ALK: variants seen among roughly 807,000 people sequenced by gnomAD.
ALK encodes the protein ALK receptor tyrosine kinase, also known as ALK tyrosine kinase receptor.
A neutral mutation model predicts 163.1 loss-of-function variants in ALK; 74 were observed. The observed-to-expected ratio is 0.45, with a 90% CI of 0.38 to 0.55. ALK has a LOEUF of 0.55. ALK is among the 20% of genes least tolerant of loss of function. The pLI is 0.00. For missense variants in ALK, 2,063 were observed against 2,105.3 expected, an observed-to-expected ratio of 0.98 and a Z score of 0.39; for synonymous variants, 960 against 843.2, an observed-to-expected ratio of 1.14 and a Z score of -2.40.
chr2:29,283,604 A>C (rs969161930), intron 9 of ALK, among the ~76,000 whole-genome samples: 1 of 152,052 alleles, frequency 6.6e-6, no homozygotes, highest in African/African-American at 2.4e-5. Flanking sequence ...CTGCTTGGTG[A>C]GGACTAGTTT....
chr2:29,428,504 A>C (rs1670198473), intron 4 of ALK, among the ~76,000 whole-genome samples: 2 of 152,018 alleles, frequency 1.3e-5, no homozygotes, highest in Admixed American at 1.3e-4. Flanking sequence ...GTGCCAATAA[A>C]GTAGATGACT....
intron 4 of ALK, among the ~76,000 whole-genome samples, chr2:29,500,598 A>T (rs547909008): frequency 2.0e-5 from 3 of 151,318 alleles, no homozygotes; most frequent in Non-Finnish European, 1.5e-5. Context: ...TATCCTCATC[A>T]TGTGCTCTAG....
chr2:29,399,389 C>T (rs1175414659), intron 4 of ALK, among the ~76,000 whole-genome samples: 3 of 152,216 alleles, frequency 2.0e-5, no homozygotes, highest in Admixed American at 1.3e-4. Context: ...TCTAAGAGGG[C>T]TCCCTGTTTC....
At chr2:29,476,473 C>G (rs541043988) in intron 4 of ALK, among the ~76,000 whole-genome samples, 6 of 152,162 alleles carry the variant, frequency 3.9e-5, no homozygotes, top group Non-Finnish European at 8.8e-5. Flanking sequence ...AAAAAACACA[C>G]AGAATCCCAC....
At chr2:29,816,723 A>G (rs780453060) in intron 1 of ALK, among the ~76,000 whole-genome samples, 6 of 152,148 alleles carry the variant, frequency 3.9e-5, no homozygotes, top group Non-Finnish European at 5.9e-5. Flanking sequence ...ACCTTGAGCA[A>G]TTGGCTGTGC....
At chr2:29,379,719 TGAG>T (rs1417798876) in intron 5 of ALK, among the ~76,000 whole-genome samples, 1 of 152,156 alleles carries the variant, frequency 6.6e-6, no homozygotes, top group African/African-American at 2.4e-5. Context: ...GGAGTAATAT[TGAG>T]GAGATTTATC....
At chr2:29,838,191 G>T (rs1363533504) in intron 1 of ALK, among the ~76,000 whole-genome samples, 1 of 151,840 alleles carries the variant, frequency 6.6e-6, no homozygotes, top group Non-Finnish European at 1.5e-5. Flanking sequence ...ATGTTAAAAA[G>T]GAAAAAAAGG....
intron 1 of ALK, among the ~76,000 whole-genome samples, chr2:29,794,832 A>G (rs1664267468): frequency 6.6e-6 from 1 of 152,162 alleles, no homozygotes; most frequent in African/African-American, 2.4e-5. Flanking sequence ...CAGATATATT[A>G]ACGATGTTTG....
At chr2:29,567,070 T>A (rs12475064) in intron 3 of ALK, among the ~76,000 whole-genome samples, 15,382 of 152,250 alleles carry the variant, frequency 0.1, 1,315 homozygotes, top group East Asian at 0.35. Context: ...ATTGATTTTT[T>A]ATTTTTTTAT....
At chr2:29,491,829 G>C (rs555701198) in intron 4 of ALK, among the ~76,000 whole-genome samples, 1 of 152,306 alleles carries the variant, frequency 6.6e-6, no homozygotes, top group African/African-American at 2.4e-5. Flanking sequence ...AGCACAAAAT[G>C]AGAGAAGAGA....
At chr2:29,655,230 G>A (rs189847278) in intron 3 of ALK, among the ~76,000 whole-genome samples, 1 of 152,230 alleles carries the variant, frequency 6.6e-6, no homozygotes, top group Non-Finnish European at 1.5e-5. Flanking sequence ...CAATACTGGG[G>A]TATTATAAAA....
intron 1 of ALK, among the ~76,000 whole-genome samples, chr2:29,860,088 G>C (rs1219218211): frequency 6.6e-6 from 1 of 152,168 alleles, no homozygotes; most frequent in Admixed American, 6.5e-5. Flanking sequence ...GCAACATTGA[G>C]TGCTTCCAAA....
chr2:29,710,528 G>GTGTGTC (rs1679057191), intron 2 of ALK, among the ~76,000 whole-genome samples: 1 of 148,434 alleles, frequency 6.7e-6, no homozygotes, highest in Non-Finnish European at 1.5e-5. Flanking sequence ...GTGTGTGTGT[G>GTGTGTC]TGTGTATGAT....
chr2:29,511,611 T>C (rs765734022), intron 4 of ALK, among the ~76,000 whole-genome samples: 11 of 152,178 alleles, frequency 7.2e-5, no homozygotes, highest in Non-Finnish European at 1.3e-4. Flanking sequence ...ATGCATAAAG[T>C]TTTGTGGGGA....
chr2:29,397,870 T>A (rs1052311955), intron 4 of ALK, among the ~76,000 whole-genome samples: 1 of 152,210 alleles, frequency 6.6e-6, no homozygotes, highest in Non-Finnish European at 1.5e-5. Context: ...CTTTAAGCCA[T>A]GCTTGAGGAA....
chr2:29,911,284 G>T (rs1254148167), intron 1 of ALK, among the ~76,000 whole-genome samples: 1 of 152,206 alleles, frequency 6.6e-6, no homozygotes, highest in Non-Finnish European at 1.5e-5. Context: ...CTTATCTCAT[G>T]ATGGTGACCC....
intron 4 of ALK, among the ~76,000 whole-genome samples, chr2:29,530,793 T>C (rs1009610782): frequency 1.3e-5 from 2 of 152,204 alleles, no homozygotes; most frequent in Admixed American, 1.3e-4. Flanking sequence ...CCTTGGTAGC[T>C]GGGACCTTCT....
At chr2:29,801,192 T>C (rs753953493) in intron 1 of ALK, among the ~76,000 whole-genome samples, 51 of 152,202 alleles carry the variant, frequency 3.4e-4, no homozygotes, top group Non-Finnish European at 6.9e-4. Context: ...GCAGATACTG[T>C]GAGAAATGTC....
chr2:29,554,670 T>A (rs983997085), intron 3 of ALK, among the ~76,000 whole-genome samples: 3 of 152,186 alleles, frequency 2.0e-5, no homozygotes, highest in African/African-American at 7.2e-5. Flanking sequence ...GTCAGAGGTG[T>A]TTGAACCAGA....
Sources: gnomAD v4.1 joint callset for allele counts (sites outside exome capture counted in the v4.1 genomes callset) on GRCh38, gnomAD v4.1.1 for gene constraint, MANE v1.5 for transcripts, NCBI Gene and HGNC (gene_info 2026-07-23, HGNC 2026-07-21) for gene names.